The following RNF146 variants were observed in gnomAD, a reference collection of about 807,000 sequenced individuals.
The protein encoded by RNF146 is ring finger protein 146.
Under a neutral mutation model 29.7 loss-of-function variants are expected in RNF146, and 11 were observed. That is an observed-to-expected ratio of 0.37 (90% CI 0.23 to 0.61). RNF146 has a LOEUF of 0.61. Ranked by LOEUF, RNF146 falls within the 20% of genes least tolerant of loss-of-function variation. RNF146 has a pLI of 0.66. For synonymous variants in RNF146, 150 were observed against 159.7 expected, an observed-to-expected ratio of 0.94 and a Z score of 0.46; for missense variants, 342 against 438.9, an observed-to-expected ratio of 0.78 and a Z score of 1.97.
rs1286697861 is a variant in RNF146 at position 127,287,440 on chromosome 6, G to A, written c.827G>A (p.Gly276Asp). Reference protein sequence around the residue: ...GEEDHESPSSGRVPAPDTSIE... With the variant: ...GEEDHESPSSDRVPAPDTSIE... ...GAAGATCATGAATCACCATCTTCAG[G>A]CAGGGTACCAGCACCAGACACCTCC... The change falls in exon 3 of 3, where the codon GGC becomes GAC. Residue 276 changes from glycine to aspartate, a missense_variant. Physicochemically the swap from Gly to Asp is moderately conservative, Grantham distance 94 (BLOSUM62 -1). This residue lies in a region of RNF146 where 196 missense variants were observed against 208.9 expected (regional missense o/e 0.94). Transcript: ENST00000368314. The A allele has an allele frequency of 1.9e-6, 3 of 1,613,300 alleles. No homozygotes were observed. The East Asian group carries it at 6.7e-5, about 36-fold the overall frequency.
chr6:127,287,228 A>G lies in RNF146; in HGVS notation c.615A>G (p.Ser205=). Residue 205 remains serine (S), a synonymous_variant, in exon 3 of 3, where the codon TCA becomes TCG. Transcript: ENST00000368314. ...ESSADGADSV[S]AQSGASVQPL... ...CTGCTGACGGAGCGGACAGTGTATCAGCACAGAGTGGAGCTTCTGTTCAGC... is the reference window on the plus strand; with the variant it reads ...CTGCTGACGGAGCGGACAGTGTATCGGCACAGAGTGGAGCTTCTGTTCAGC... 1 of 1,613,428 alleles carries G rather than the reference A, an allele frequency of 6.2e-7. No homozygotes were observed. The highest frequency in any genetic ancestry group is 8.5e-7 in the Non-Finnish European group (1 of 1,179,646).
Position 127,282,124 on chromosome 6 carries a change from A to C in RNF146, c.2+1784A>C, listed in dbSNP as rs1778990613. Among the ~76,000 whole-genome samples, 2 of 151,782 alleles carry C rather than the reference A, an allele frequency of 1.3e-5. 1 individual carries two copies. The highest frequency in any genetic ancestry group is 4.8e-5 in the African/African-American group (2 of 41,388). On this transcript the variant is annotated intron_variant, in intron 2 of 2. Coordinates refer to ENST00000368314, the MANE Select transcript of RNF146 (RefSeq NM_001242850.2). ...GGGTTCACAACTTTTGCACCACACA[A>C]AAGTGAATTGTATGGTGAAATTTTT...
intron 1 of RNF146, among the ~76,000 whole-genome samples, chr6:127,276,154 GTGTA>G (rs1002506129): frequency 2.6e-5 from 4 of 151,864 alleles, no homozygotes; most frequent in Non-Finnish European, 5.9e-5. Context: ...TGTAGAGTGA[GTGTA>G]TGTGTGTGTG....
At chr6:127,279,140 A>C (rs185823980) in intron 1 of RNF146, among the ~76,000 whole-genome samples, 1 of 151,992 alleles carries the variant, frequency 6.6e-6, no homozygotes, top group African/African-American at 2.4e-5. Context: ...TATAAAGCCC[A>C]ATTTATTTCC....
intron 1 of RNF146, among the ~76,000 whole-genome samples, chr6:127,272,192 A>G (rs1197098141): frequency 1.3e-5 from 2 of 152,168 alleles, no homozygotes; most frequent in African/African-American, 2.4e-5. Context: ...CATATTTCAC[A>G]GGGTTGTTTT....
At position 127,287,751 on chromosome 6, in the gene RNF146, C is replaced by T. The variant is rs1042410505; in HGVS notation, c.*58C>T. On this transcript the variant is annotated 3_prime_UTR_variant, in exon 3 of 3. Coordinates refer to ENST00000368314, the MANE Select transcript of RNF146 (RefSeq NM_001242850.2). ...GAAAGGGTTACCTGTAAATTTCTGCCCACATAACATTATACTCATCCCTAG... is the reference window on the plus strand; with the variant it reads ...GAAAGGGTTACCTGTAAATTTCTGCTCACATAACATTATACTCATCCCTAG... The T allele has an allele frequency of 1.8e-6, 2 of 1,119,846 alleles. No homozygotes were observed. The highest frequency in any genetic ancestry group is 2.4e-5 in the East Asian group (1 of 42,204). 69.4% of individuals were successfully genotyped at this position (1,119,846 alleles called of 1,614,324 possible).
chr6:127,286,992 G>C lies in RNF146; in HGVS notation c.379G>C (p.Asp127His). 1 of 1,613,424 alleles carries C rather than the reference G, an allele frequency of 6.2e-7. No individual in the cohort carries two copies. Among genetic ancestry groups the C allele is most frequent in the Non-Finnish European group, 8.5e-7 (1 of 1,179,632 alleles). The change falls in exon 3 of 3, where the codon GAT becomes CAT. Residue 127 changes from aspartate (D) to histidine (H), a missense_variant. By Grantham distance (81) the Asp-to-His change is moderately conservative. Around this residue, in one of 6 missense-constraint regions of RNF146, gnomAD observed 50 missense variants for 54.9 expected, o/e 0.91. Coordinates refer to ENST00000368314, the MANE Select transcript of RNF146 (RefSeq NM_001242850.2). This position sits in a 1 kb window ranked among gnomAD's most constrained non-coding sequence, Gnocchi z 4.6. ...TGAGCGCACTAGTAGAGAGCTGGAA[G>C]ATGCTTTTTCCAAAGGTAAAAAGAA... is the stretch of plus-strand genomic sequence containing the variant. ...YDERTSRELE[D>H]AFSKGKKNTE...
At chr6:127,269,799 A>C (rs1562277521) in intron 1 of RNF146, among the ~76,000 whole-genome samples, 1 of 151,924 alleles carries the variant, frequency 6.6e-6, no homozygotes, top group Non-Finnish European at 1.5e-5. Flanking sequence ...TGTATATATA[A>C]TTTTTTTTGA....
chr6:127,285,147 G>C, intron 2 of RNF146: 3 of 915,920 alleles, frequency 3.3e-6, no homozygotes, highest in African/African-American at 1.8e-5. Flanking sequence ...AGACTGTGTT[G>C]GTTCCTTTAC....
In RNF146 at chr6:127,286,223, A is replaced by G; in HGVS notation, c.3-393A>G. On this transcript the variant is annotated intron_variant, in intron 2 of 2. Transcript: ENST00000368314. The surrounding 1 kb of genome is among the most constrained non-coding windows in gnomAD (Gnocchi z 4.6). ...GGTTTAACTGAGTGCCTAAGAGCACATAATTAATAAAGGACTCTAAAACTC... is the reference window on the plus strand; with the variant it reads ...GGTTTAACTGAGTGCCTAAGAGCACGTAATTAATAAAGGACTCTAAAACTC... 4 of 1,218,860 alleles carry G rather than the reference A, an allele frequency of 3.3e-6. No homozygotes were observed. The highest frequency in any genetic ancestry group is 4.1e-6 in the Non-Finnish European group (4 of 975,208). 75.5% of individuals were successfully genotyped at this position (1,218,860 alleles called of 1,614,324 possible).
chr6:127,271,005 G>A (rs1309195694), intron 1 of RNF146, among the ~76,000 whole-genome samples: 2 of 151,784 alleles, frequency 1.3e-5, no homozygotes, highest in Non-Finnish European at 2.9e-5. Flanking sequence ...TAGTAGAGAC[G>A]GGGTTTCACC....
At chr6:127,278,843 C>A (rs913948478) in intron 1 of RNF146, among the ~76,000 whole-genome samples, 1 of 151,920 alleles carries the variant, frequency 6.6e-6, no homozygotes, top group African/African-American at 2.4e-5. Flanking sequence ...TTGTAGCCTC[C>A]TTATAGATGT....
intron 1 of RNF146, among the ~76,000 whole-genome samples, chr6:127,276,878 T>G (rs1933381191): frequency 6.6e-6 from 1 of 152,054 alleles, no homozygotes; most frequent in African/African-American, 2.4e-5. Context: ...AAAGCATGAG[T>G]ACCACCTGGG....
rs770171920 is a variant in RNF146 at position 127,287,591 on chromosome 6, A to T, written c.978A>T (p.Ser326=). The T allele has an allele frequency of 3.1e-5, 50 of 1,611,852 alleles. No homozygotes were observed. In the South Asian group the frequency reaches 5.2e-4, roughly 17 times the overall value. The change falls in exon 3 of 3, where the codon TCA becomes TCT. Residue 326 remains serine, a synonymous_variant. Coordinates refer to ENST00000368314, the MANE Select transcript of RNF146 (RefSeq NM_001242850.2). The part of the protein sequence containing the change: ...SNANQTVPDR[S]DRSGTDRSVA... Reference sequence around the variant, plus strand: ...CAAACCAGACAGTACCCGATCGATCAGATCGATCGGGAACTGATCGATCAG... The same window carrying T: ...CAAACCAGACAGTACCCGATCGATCTGATCGATCGGGAACTGATCGATCAG...
intron 2 of RNF146, chr6:127,285,946 G>C: frequency 1.2e-6 from 1 of 852,116 alleles, no homozygotes; most frequent in Non-Finnish European, 1.6e-6. Context: ...CAGGTGTTTA[G>C]TAAATGTTTA....
rs765505242 is a variant in RNF146 at position 127,287,581 on chromosome 6, CCGATCGATCAGATCGATCGGGAACTGAT to C, written c.974_1001del (p.Arg325GlnfsTer2). The C allele has an allele frequency of 4.3e-6, 7 of 1,612,900 alleles. No individual in the cohort carries two copies. In the South Asian group the frequency reaches 7.7e-5, roughly 18 times the overall value. On this transcript the variant is annotated frameshift_variant, in exon 3 of 3. Coordinates refer to ENST00000368314, the MANE Select transcript of RNF146 (RefSeq NM_001242850.2). LOFTEE classifies it high-confidence loss of function. Reference sequence around the variant, plus strand: ...GTTTCTAATGCAAACCAGACAGTACCCGATCGATCAGATCGATCGGGAACTGATCGATCAGTAGCAGGGGGTGGAACAG... The same window carrying C: ...GTTTCTAATGCAAACCAGACAGTACCCGATCAGTAGCAGGGGGTGGAACAG...
chr6:127,273,649 G>A (rs1777796053), intron 1 of RNF146, among the ~76,000 whole-genome samples: 1 of 151,968 alleles, frequency 6.6e-6, no homozygotes, highest in Non-Finnish European at 1.5e-5. Context: ...AAGGTCAGCT[G>A]TATGAGGTTA....
rs1303138210 is a variant in RNF146 at position 127,287,580 on chromosome 6, C to G, written c.967C>G (p.Pro323Ala). The change falls in exon 3 of 3, where the codon CCC (proline) becomes GCC (alanine). Residue 323 changes from proline to alanine, a missense_variant. Coordinates refer to ENST00000368314, the MANE Select transcript of RNF146 (RefSeq NM_001242850.2). ...LLVSNANQTV[P>A]DRSDRSGTDR... Reference sequence around the variant, plus strand: ...GGTTTCTAATGCAAACCAGACAGTACCCGATCGATCAGATCGATCGGGAAC... The same window carrying G: ...GGTTTCTAATGCAAACCAGACAGTAGCCGATCGATCAGATCGATCGGGAAC... 6.2e-7 allele frequency: 1 copy of G among 1,612,874 alleles called. No individual in the cohort carries two copies. The highest frequency in any genetic ancestry group is 8.5e-7 in the Non-Finnish European group (1 of 1,179,350).
intron 1 of RNF146, among the ~76,000 whole-genome samples, chr6:127,271,642 A>G (rs936353345): frequency 6.6e-6 from 1 of 152,204 alleles, no homozygotes; most frequent in African/African-American, 2.4e-5. Flanking sequence ...GTCTGAATTA[A>G]GTTGTGCTGT....
Sources: allele counts gnomAD v4.1 joint callset (sites outside exome capture counted in the v4.1 genomes callset), GRCh38; gene constraint gnomAD v4.1.1; regional missense constraint gnomAD v4.1.1; non-coding constraint Gnocchi (gnomAD v3.1); transcripts MANE v1.5; gene names NCBI Gene and HGNC (gene_info 2026-07-23, HGNC 2026-07-21).